The following TP53BP1 variants were observed in gnomAD, a reference collection of about 807,000 sequenced individuals.
The protein encoded by TP53BP1 is TP53-binding protein 1.
A neutral mutation model predicts 200.8 loss-of-function variants in TP53BP1; 61 were observed. That is an observed-to-expected ratio of 0.30 (90% confidence interval 0.25 to 0.38). The LOEUF (loss-of-function observed/expected upper bound fraction) is 0.38. Among genes scored for constraint, TP53BP1 ranks in the 10% least tolerant of loss-of-function variants. TP53BP1 has a pLI of 1.00. For synonymous variants in TP53BP1, 822 were observed against 844.3 expected (o/e 0.97, Z 0.46); for missense variants, 2,144 against 2,371.9 (o/e 0.90, Z 2.00).
At chr15:43,447,590 A>C in intron 12 of TP53BP1, 105 bp from the exon 13 acceptor site, 1 of 1,121,492 alleles carries the variant, frequency 8.9e-7, no homozygotes, top group Non-Finnish European at 1.2e-6. Flanking sequence ...AAATATTTCA[A>C]TCACTCTTTT....
chr15:43,498,992 C>A, intron 1 of TP53BP1, among the ~76,000 whole-genome samples: 1 of 150,490 alleles, frequency 6.6e-6, no homozygotes, highest in African/African-American at 2.4e-5. Context: ...GAGAAAAGTT[C>A]ATTTTGCAAA....
chr15:43,495,495 TCACACACA>T (rs376410840), upstream of TP53BP1, among the ~76,000 whole-genome samples: 1,469 of 133,440 alleles, frequency 0.011, 13 homozygotes, highest in South Asian at 0.024. Context: ...TGAGACTCCG[TCACACACA>T]CACACACACA....
chr15:43,452,990 C>T (rs1014857102), intron 12 of TP53BP1, among the ~76,000 whole-genome samples: 1 of 151,814 alleles, frequency 6.6e-6, no homozygotes, highest in Non-Finnish European at 1.5e-5. Context: ...GTCAGGAGAT[C>T]GAGACCATCC....
At position 43,406,040 on chromosome 15, in the gene TP53BP1, CAAAAAAAAAAAAA is replaced by C. The variant is rs67793488; in HGVS notation, c.*1330_*1342del. 4.7e-5 allele frequency: 3 copies of C among 63,990 alleles called. No individual in the cohort carries two copies. The highest frequency in any genetic ancestry group is 1.9e-4 in the Admixed American group (1 of 5,188). The allele number at this position is 63,990 out of a possible 1,614,324, so 4.0% of individuals were successfully genotyped here. A position where few individuals can be genotyped will look rare whatever the true frequency, so the allele number is the denominator to read the frequency against. ...GGGCAACAAGAGCGAAATTCCGTCTCAAAAAAAAAAAAAAAAAAAAAAAAAGTATTATTCTCCA... is the reference window on the plus strand; with the variant it reads ...GGGCAACAAGAGCGAAATTCCGTCTCAAAAAAAAAAAAGTATTATTCTCCA... On this transcript the variant is annotated 3_prime_UTR_variant, in exon 28 of 28. Transcript: ENST00000382044.
upstream of TP53BP1, among the ~76,000 whole-genome samples, chr15:43,495,316 A>G (rs1445918072): frequency 1.6e-4 from 23 of 141,982 alleles, no homozygotes; most frequent in East Asian, 1.3e-3. Context: ...TGGCTAAGAT[A>G]GTGAAACCCC....
intron 19 of TP53BP1, 50 bp downstream of exon 19, chr15:43,421,805 G>C: frequency 6.3e-7 from 1 of 1,599,918 alleles, no homozygotes; most frequent in South Asian, 1.1e-5. Flanking sequence ...TAAAATGTCA[G>C]CAACCCTGCC....
chr15:43,405,200 A>G lies in TP53BP1; in HGVS notation c.*2183T>C. 3 of 1,614,050 alleles carry G rather than the reference A, an allele frequency of 1.9e-6. No individual in the cohort carries two copies. Among genetic ancestry groups the G allele is most frequent in the Non-Finnish European group, 2.5e-6 (3 of 1,179,958 alleles). ...TAATAAGGCTCTTTTTCTCTTTTGT[A>G]GTTTCGGGATGTGAAAATTTCTGGC... is the stretch of plus-strand genomic sequence containing the variant. On this transcript the variant is annotated 3_prime_UTR_variant, in exon 28 of 28. Transcript: ENST00000382044.
intron 14 of TP53BP1, among the ~76,000 whole-genome samples, chr15:43,442,361 C>CA (rs2045944642): frequency 6.6e-6 from 1 of 152,110 alleles, no homozygotes; most frequent in Non-Finnish European, 1.5e-5. Flanking sequence ...GCTGGGATTA[C>CA]AGGCAAGAGC....
Position 43,405,328 on chromosome 15 carries a change from A to G in TP53BP1, c.*2055T>C, listed in dbSNP as rs1038098787. 2.5e-6 allele frequency: 3 copies of G among 1,219,570 alleles called. No homozygotes were observed. In the African/African-American group the frequency reaches 4.5e-5, roughly 18 times the overall value. 75.5% of individuals were successfully genotyped at this position (1,219,570 alleles called of 1,614,324 possible). A position where few individuals can be genotyped will look rare whatever the true frequency, so the allele number is the denominator to read the frequency against. ...TAAATATCTGCGGCTTAGTGATAGG[A>G]CTCTACCTTTTCTCCTAGAAGCAGT... On this transcript the variant is annotated 3_prime_UTR_variant, in exon 28 of 28. Transcript: ENST00000382044.
rs758766183 is a variant in TP53BP1 at position 43,447,368 on chromosome 15, A to G, written c.2834T>C (p.Ile945Thr). 5 of 1,599,626 alleles carry G rather than the reference A, an allele frequency of 3.1e-6. No homozygotes were observed. The Admixed American group carries it at 9.1e-5, about 29-fold the overall frequency. ...KLEPKRHSTPIGISNYPESTI... is the reference protein window; with the variant it reads ...KLEPKRHSTPTGISNYPESTI... ...ATCATTACTTTTTATTCACTCACCA[A>G]TAGGAGTACTGTGTCTCTTGGGCTC... Residue 945 changes from isoleucine (I) to threonine (T), a missense_variant and splice_region_variant, in exon 13 of 28, where the codon ATT (isoleucine) becomes ACT (threonine). Physicochemically the swap from Ile to Thr is moderately conservative, Grantham distance 89. This residue lies in a region of TP53BP1 where 1,700 missense variants were observed against 1,710.3 expected (regional missense o/e 0.99). Transcript: ENST00000382044.
In TP53BP1 at chr15:43,407,396, T is replaced by C. The variant is rs2044940096; in HGVS notation, c.5921A>G (p.Tyr1974Cys). Reference sequence around the variant, plus strand: ...GACCAAGTATCTTTAGTGAGAAACATAATCGTGTTTATATTTTGGATGCTG... The same window carrying C: ...GACCAAGTATCTTTAGTGAGAAACACAATCGTGTTTATATTTTGGATGCTG... ...FKQHPKYKHD[Y>C]VSH Residue 1974 changes from tyrosine (Y) to cysteine (C), a missense_variant, in exon 28 of 28, where the codon TAT becomes TGT. Tyr to Cys is a radical substitution (Grantham distance 194). This residue lies in a region of TP53BP1 where 334 missense variants were observed against 453.4 expected (regional missense o/e 0.74). Coordinates refer to ENST00000382044, the MANE Select transcript of TP53BP1 (RefSeq NM_001141980.3). 1 of 1,614,124 alleles carries C rather than the reference T, an allele frequency of 6.2e-7. No homozygotes were observed. Among genetic ancestry groups the C allele is most frequent in the Non-Finnish European group, 8.5e-7 (1 of 1,179,984 alleles).
At chr15:43,497,501 A>G (rs1447095606), upstream of TP53BP1, 1 of 975,244 alleles carries the variant, frequency 1.0e-6, no homozygotes, top group Non-Finnish European at 1.2e-6. Flanking sequence ...CTACCATCTC[A>G]GCTTTCTTTC....
chr15:43,447,961 T>G (rs991300379), intron 12 of TP53BP1, among the ~76,000 whole-genome samples: 6 of 152,202 alleles, frequency 3.9e-5, no homozygotes, highest in African/African-American at 1.4e-4. Context: ...ATACTTATAA[T>G]GTACAATCTA....
At chr15:43,482,500 G>T (rs2078987164) in intron 4 of TP53BP1, among the ~76,000 whole-genome samples, 1 of 152,150 alleles carries the variant, frequency 6.6e-6, no homozygotes, top group Admixed American at 6.5e-5. Context: ...TGGGCGCGGT[G>T]GCTCATGCCT....
intron 18 of TP53BP1, among the ~76,000 whole-genome samples, chr15:43,425,552 C>G (rs1169472676): frequency 2.6e-5 from 4 of 152,186 alleles, no homozygotes; most frequent in Non-Finnish European, 5.9e-5. Flanking sequence ...GCCAGGAGGT[C>G]AAGGCTGCAG....
intron 14 of TP53BP1, among the ~76,000 whole-genome samples, chr15:43,445,746 G>T (rs562627570): frequency 6.6e-6 from 1 of 151,694 alleles, no homozygotes; most frequent in Non-Finnish European, 1.5e-5. Flanking sequence ...CTGCCTACTC[G>T]CTCCTCAAAT....
At chr15:43,446,812 G>C in intron 13 of TP53BP1, 1 of 1,489,894 alleles carries the variant, frequency 6.7e-7, no homozygotes. Flanking sequence ...TCTGCATCTG[G>C]ACAAAGGATG....
chr15:43,457,621 G>A (rs569240065), intron 11 of TP53BP1, among the ~76,000 whole-genome samples: 275 of 122,392 alleles, frequency 2.2e-3, no homozygotes, highest in African/African-American at 8.2e-3. Context: ...GCAGTAAGCC[G>A]AGATTGCACC....
At chr15:43,455,402 G>A (rs2046269088) in intron 12 of TP53BP1, among the ~76,000 whole-genome samples, 1 of 151,920 alleles carries the variant, frequency 6.6e-6, no homozygotes, top group Non-Finnish European at 1.5e-5. Context: ...ATCTTTAATT[G>A]CACAAATAAT....
Sources: gnomAD v4.1 joint callset for allele counts (sites outside exome capture counted in the v4.1 genomes callset) on GRCh38, gnomAD v4.1.1 for gene constraint, gnomAD v4.1.1 regional missense constraint, MANE v1.5 for transcripts, NCBI Gene and HGNC (gene_info 2026-07-23, HGNC 2026-07-21) for gene names.